The following CFAP52 variants were observed in gnomAD, a reference collection of about 807,000 sequenced individuals.
The protein encoded by CFAP52 is cilia- and flagella-associated protein 52.
Under a neutral mutation model 70.5 loss-of-function variants are expected in CFAP52, and 57 were observed. That is an observed-to-expected ratio of 0.81 (90% confidence interval 0.65 to 1.01). The LOEUF is 1.01. CFAP52 is among the 50% of genes least tolerant of loss of function. The probability of loss-of-function intolerance (pLI) is 0.00; values close to 1 mark genes in which losing one functional copy is unlikely to be tolerated. For missense variants in CFAP52, 785 were observed against 788.5 expected (o/e 1.00, Z 0.05); for synonymous variants, 267 against 292.5 (o/e 0.91, Z 0.89).
intron 12 of CFAP52, 70 bp downstream of exon 12, chr17:9,638,781 G>A: frequency 2.0e-6 from 3 of 1,501,996 alleles, no homozygotes; most frequent in African/African-American, 1.4e-5. Flanking sequence ...TGTGGTGGAG[G>A]GTGCGGGCTC....
chr17:9,598,161 A>T (rs1909101406), intron 4 of CFAP52, 73 bp from the exon 5 acceptor site: 6 of 1,184,756 alleles, frequency 5.1e-6, no homozygotes, highest in African/African-American at 3.1e-5. Context: ...TCTTCCCTTC[A>T]GTTTCAGGGA....
chr17:9,614,212 G>A (rs1226083484), intron 8 of CFAP52, among the ~76,000 whole-genome samples: 8 of 135,862 alleles, frequency 5.9e-5, no homozygotes, highest in African/African-American at 2.2e-4. Context: ...CTGGAGTGCA[G>A]TGGCACGATC....
chr17:9,638,405 G>A (rs1418988421), intron 11 of CFAP52, among the ~76,000 whole-genome samples: 4 of 152,136 alleles, frequency 2.6e-5, no homozygotes, highest in Non-Finnish European at 5.9e-5. Context: ...TAGGCCAACC[G>A]GAGTACACAG....
rs73975747 is a variant in CFAP52 at position 9,613,192 on chromosome 17, A to G, written c.1025+713A>G. Among the ~76,000 whole-genome samples the G allele has an allele frequency of 3.4e-3, 515 of 150,868 alleles. 6 individuals carry two copies. The highest frequency in any genetic ancestry group is 0.011 in the African/African-American group (468 of 41,050). ...TACCTCTTGAGGTCTTCTAGATTTCACAGGCTTCATGGTGGTGGGTATTAC... is the reference window on the plus strand; with the variant it reads ...TACCTCTTGAGGTCTTCTAGATTTCGCAGGCTTCATGGTGGTGGGTATTAC... On this transcript the variant is annotated intron_variant, in intron 8 of 13. Coordinates refer to ENST00000352665, the MANE Select transcript of CFAP52 (RefSeq NM_145054.5).
rs191415134 is a variant in CFAP52 at position 9,584,164 on chromosome 17, C to A, written c.71-1609C>A. The A allele has an allele frequency of 2.0e-5, 24 of 1,194,894 alleles. No homozygotes were observed. In the East Asian group the frequency reaches 1.2e-3, roughly 61 times the overall value. The allele number at this position is 1,194,894 out of a possible 1,614,324, so 74.0% of individuals were successfully genotyped here. A position where few individuals can be genotyped will look rare whatever the true frequency, so the allele number is the denominator to read the frequency against. ...CCAGAGTTGTTGGTCATTGTATTTT[C>A]TTTTATTTTTGCTGAAGGTCCTGTT... On this transcript the variant is annotated intron_variant, in intron 1 of 13. Coordinates refer to ENST00000352665, the MANE Select transcript of CFAP52 (RefSeq NM_145054.5).
At chr17:9,586,070 CT>C (rs1320483795) in intron 2 of CFAP52, 98 bp downstream of exon 2, 4 of 1,218,754 alleles carry the variant, frequency 3.3e-6, no homozygotes, top group Non-Finnish European at 4.6e-6. Flanking sequence ...TGGCAATGTG[CT>C]TTATTCTTCC....
chr17:9,613,286 A>G (rs892615582), intron 8 of CFAP52, among the ~76,000 whole-genome samples: 21 of 151,134 alleles, frequency 1.4e-4, no homozygotes, highest in African/African-American at 5.1e-4. Flanking sequence ...ACAAATAACT[A>G]CCAGCAGTTT....
intron 5 of CFAP52, among the ~76,000 whole-genome samples, chr17:9,598,835 C>T (rs1909142458): frequency 6.6e-6 from 1 of 151,802 alleles, no homozygotes; most frequent in Non-Finnish European, 1.5e-5. Flanking sequence ...GTCACCTAGA[C>T]ACAGCACAGG....
rs890736328 is a variant in CFAP52 at position 9,616,468 on chromosome 17, C to G, written c.1025+3989C>G. The stretch of plus-strand genomic sequence containing the variant: ...GGCTTGCTTAGGTAAACAAAGCAGC[C>G]GGGAAGCTCGAACTGGGTGGAGCCC... On this transcript the variant is annotated intron_variant, in intron 8 of 13. Transcript: ENST00000352665. 4.4e-5 allele frequency among the ~76,000 whole-genome samples: 6 copies of G among 136,414 alleles called. No individual in the cohort carries two copies. In the South Asian group the frequency reaches 1.0e-3, roughly 23 times the overall value. 89.5% of individuals were successfully genotyped at this position (136,414 alleles called of 152,430 possible).
At chr17:9,576,890 C>T (rs1907972234) in intron 1 of CFAP52, 125 bp downstream of exon 1, 5 of 1,003,000 alleles carry the variant, frequency 5.0e-6, no homozygotes, top group South Asian at 1.9e-5. Context: ...GAGCCCTGGC[C>T]AGGGACACGC....
chr17:9,589,470 C>T (rs560894261), intron 3 of CFAP52, among the ~76,000 whole-genome samples: 70 of 152,128 alleles, frequency 4.6e-4, no homozygotes, highest in African/African-American at 1.5e-3. Flanking sequence ...TGGCAGCTCA[C>T]GCCTGAAATC....
intron 8 of CFAP52, among the ~76,000 whole-genome samples, chr17:9,626,367 C>T (rs531598567): frequency 3.9e-5 from 6 of 152,292 alleles, no homozygotes; most frequent in Non-Finnish European, 8.8e-5. Flanking sequence ...GTAGCTGGGA[C>T]TACAGGCGCA....
At chr17:9,643,975 A>G (rs1911207263), downstream of CFAP52, among the ~76,000 whole-genome samples, 1 of 152,172 alleles carries the variant, frequency 6.6e-6, no homozygotes, top group Admixed American at 6.5e-5. Flanking sequence ...AAATAATGGC[A>G]TTTTCCAGAA....
At chr17:9,628,001 T>G (rs1466618821) in intron 8 of CFAP52, among the ~76,000 whole-genome samples, 1 of 152,212 alleles carries the variant, frequency 6.6e-6, no homozygotes. Context: ...CCCAAAGTGC[T>G]GGGATTACAG....
Position 9,585,805 on chromosome 17 carries a change from G to T in CFAP52, c.103G>T (p.Asp35Tyr), listed in dbSNP as rs765294174. The change falls in exon 2 of 14, where the codon GAC becomes TAC. Residue 35 changes from aspartate to tyrosine, a missense_variant. Coordinates refer to ENST00000352665, the MANE Select transcript of CFAP52 (RefSeq NM_145054.5). ...HVPTGLKCHP[D>Y]QEHMIYPLGC... is the part of the protein sequence containing the mutation. Reference sequence around the variant, plus strand: ...GCCCACTGGTCTCAAATGCCATCCTGACCAGGAGCATATGATTTATCCTCT... The same window carrying T: ...GCCCACTGGTCTCAAATGCCATCCTTACCAGGAGCATATGATTTATCCTCT... The T allele has an allele frequency of 6.2e-7, 1 of 1,614,008 alleles. No homozygotes were observed.
chr17:9,610,013 C>CAGAGACAGAG (rs1393085426), intron 7 of CFAP52, among the ~76,000 whole-genome samples: 8 of 150,834 alleles, frequency 5.3e-5, no homozygotes, highest in Admixed American at 2.0e-4. Context: ...GAGAGAGAGA[C>CAGAGACAGAG]AGAGACAGAG....
chr17:9,631,047 AG>A (rs1567634905), intron 9 of CFAP52, among the ~76,000 whole-genome samples: 1 of 102,602 alleles, frequency 9.7e-6, no homozygotes, highest in African/African-American at 4.2e-5. Context: ...AGAGAGAGAG[AG>A]AGAGAGAAAG....
intron 4 of CFAP52, among the ~76,000 whole-genome samples, chr17:9,596,920 G>A (rs942250435): frequency 1.3e-5 from 2 of 152,064 alleles, no homozygotes; most frequent in African/African-American, 4.8e-5. Flanking sequence ...TTTTCACCAT[G>A]TTGGCCAGGC....
At chr17:9,630,652 G>A (rs1296437759) in intron 9 of CFAP52, among the ~76,000 whole-genome samples, 8 of 150,600 alleles carry the variant, frequency 5.3e-5, no homozygotes, top group Non-Finnish European at 1.2e-4. Context: ...GGATGGTCTG[G>A]ATCTCCTGAC....
Sources: allele counts gnomAD v4.1 joint callset (sites outside exome capture counted in the v4.1 genomes callset), GRCh38; gene constraint gnomAD v4.1.1; transcripts MANE v1.5; gene names NCBI Gene and HGNC (gene_info 2026-07-23, HGNC 2026-07-21).